Variants in ATP13A2 observed in about 807,000 individuals in gnomAD.
ATP13A2 encodes the protein polyamine-transporting ATPase 13A2.
A neutral mutation model predicts 138.3 loss-of-function variants in ATP13A2; 83 were observed. That is an observed-to-expected ratio of 0.60 (90% confidence interval 0.50 to 0.72). The LOEUF (loss-of-function observed/expected upper bound fraction) is 0.72. ATP13A2 is among the 30% of genes least tolerant of loss of function. The pLI is 0.00. For synonymous variants in ATP13A2, 663 were observed against 699.0 expected, an observed-to-expected ratio of 0.95 and a Z score of 0.81; for missense variants, 1,402 against 1,606.4, an observed-to-expected ratio of 0.87 and a Z score of 2.17.
chr1:16,994,629 G>A (rs2077053031), intron 15 of ATP13A2, among the ~76,000 whole-genome samples: 1 of 151,984 alleles, frequency 6.6e-6, no homozygotes, highest in Admixed American at 6.6e-5. Flanking sequence ...TGGCTAGCCT[G>A]GGAACTATAA....
At position 17,004,568 on chromosome 1, in the gene ATP13A2, A is replaced by G; in HGVS notation, c.477+124T>C. On this transcript the variant is annotated intron_variant, in intron 5 of 28. Coordinates refer to ENST00000326735, the MANE Select transcript of ATP13A2 (RefSeq NM_022089.4). The surrounding 1 kb of genome is among the most constrained non-coding windows in gnomAD (Gnocchi z 4.1). Reference sequence around the variant, plus strand: ...CCTGAAAGTGTAAACGTGCTCAGACAGCATCCTGGATGTTTGGGACAACAG... The same window carrying G: ...CCTGAAAGTGTAAACGTGCTCAGACGGCATCCTGGATGTTTGGGACAACAG... 6 of 1,588,374 alleles carry G rather than the reference A, an allele frequency of 3.8e-6. No homozygotes were observed. The highest frequency in any genetic ancestry group is 5.2e-6 in the Non-Finnish European group (6 of 1,162,164).
chr1:16,998,626 A>G (rs1470956610), intron 11 of ATP13A2, among the ~76,000 whole-genome samples: 1 of 152,136 alleles, frequency 6.6e-6, no homozygotes, highest in Non-Finnish European at 1.5e-5. Context: ...CATCTCAGAG[A>G]AAGAAATACT....
chr1:16,986,711 A>G lies in ATP13A2; in HGVS notation c.3236-79T>C. On this transcript the variant is annotated intron_variant, in intron 27 of 28. Coordinates refer to ENST00000326735, the MANE Select transcript of ATP13A2 (RefSeq NM_022089.4). The surrounding 1 kb of genome is among the most constrained non-coding windows in gnomAD (Gnocchi z 6.9). ...ACACACGTGTGCACGCCAGTCTTCCACTCGGCCGGCACCTCTCTCCCATCT... is the reference window on the plus strand; with the variant it reads ...ACACACGTGTGCACGCCAGTCTTCCGCTCGGCCGGCACCTCTCTCCCATCT... 1.3e-6 allele frequency: 2 copies of G among 1,568,326 alleles called. No homozygotes were observed. The highest frequency in any genetic ancestry group is 1.7e-6 in the Non-Finnish European group (2 of 1,161,676).
chr1:16,990,000 G>A lies in ATP13A2; in HGVS notation c.2416C>T (p.Pro806Ser). 1 of 1,612,224 alleles carries A rather than the reference G, an allele frequency of 6.2e-7. No homozygotes were observed. Among genetic ancestry groups the A allele is most frequent in the Non-Finnish European group, 8.5e-7 (1 of 1,179,188 alleles). The stretch of plus-strand genomic sequence containing the variant: ...ACGGTGTAGCTTGCAGCCTGGTCAG[G>A]ATCCTGGGGGCCCAGGAAGCTCAGC... The part of the protein sequence containing the change: ...SPTAVNGVKD[P>S]DQAASYTVEP... Residue 806 changes from proline to serine, a missense_variant, in exon 22 of 29, where the codon CCT becomes TCT. By Grantham distance (74) the Pro-to-Ser change is moderately conservative (BLOSUM62 -1). Transcript: ENST00000326735.
At position 16,985,994 on chromosome 1, in the gene ATP13A2, C is replaced by T; in HGVS notation, c.*227G>A. 6.9e-7 allele frequency: 1 copy of T among 1,452,128 alleles called. No homozygotes were observed. Among genetic ancestry groups the T allele is most frequent in the Non-Finnish European group, 9.1e-7 (1 of 1,100,490 alleles). The allele number at this position is 1,452,128 out of a possible 1,614,324, so 90.0% of individuals were successfully genotyped here. On this transcript the variant is annotated 3_prime_UTR_variant, in exon 29 of 29. Transcript: ENST00000326735. Reference sequence around the variant, plus strand: ...ATCATGACTTTATTTGCTACACTGACAGCAGCACTGAGGGGAGCTGGGGGC... The same window carrying T: ...ATCATGACTTTATTTGCTACACTGATAGCAGCACTGAGGGGAGCTGGGGGC...
Position 17,005,037 on chromosome 1 carries a change from C to T in ATP13A2, c.324G>A (p.Gln108=). 1 of 1,614,110 alleles carries T rather than the reference C, an allele frequency of 6.2e-7. No homozygotes were observed. The highest frequency in any genetic ancestry group is 8.5e-7 in the Non-Finnish European group (1 of 1,180,014). Residue 108 remains glutamine (Q), a synonymous_variant, in exon 4 of 29, where the codon CAG becomes CAA. Coordinates refer to ENST00000326735, the MANE Select transcript of ATP13A2 (RefSeq NM_022089.4). Reference sequence around the variant, plus strand: ...ACCTGCCCTCGCCGATGGCCTCAGTCTGCACCTGGACAGTGAAGAGCTGCC... The same window carrying T: ...ACCTGCCCTCGCCGATGGCCTCAGTTTGCACCTGGACAGTGAAGAGCTGCC... The part of the protein sequence containing the change: ...SSWQLFTVQV[Q]TEAIGEGSLE...
At position 16,995,804 on chromosome 1, in the gene ATP13A2, T is replaced by C; in HGVS notation, c.1542+172A>G. ...TCTAGACATTTCATCTGCCAGACCG[T>C]GAGCCCAGTGAGGGCAGGAGTGGGA... is the stretch of plus-strand genomic sequence containing the variant. On this transcript the variant is annotated intron_variant, in intron 15 of 28. Transcript: ENST00000326735. This position sits in a 1 kb window ranked among gnomAD's most constrained non-coding sequence, Gnocchi z 4.1. 1.2e-6 allele frequency: 1 copy of C among 811,596 alleles called. No individual in the cohort carries two copies. Among genetic ancestry groups the C allele is most frequent in the East Asian group, 2.7e-5 (1 of 37,612 alleles). The allele number at this position is 811,596 out of a possible 1,614,324, so 50.3% of individuals were successfully genotyped here.
At chr1:17,009,399 T>TC (rs1295743507) in intron 1 of ATP13A2, among the ~76,000 whole-genome samples, 1,757 of 149,446 alleles carry the variant, frequency 0.012, 39 homozygotes, top group African/African-American at 0.041. Context: ...TTTTTTTTTT[T>TC]TTTTTTTTTT....
chr1:16,989,594 G>A (rs1395091865), intron 23 of ATP13A2, 97 bp downstream of exon 23: 8 of 1,237,706 alleles, frequency 6.5e-6, no homozygotes, highest in African/African-American at 2.9e-5. Flanking sequence ...TGGTGCCTGA[G>A]GAGGGAGACA....
rs886045579 is a variant in ATP13A2, at chr1:16,989,737, C to A, written c.2563G>T (p.Ala855Ser). ...ACCAGCTCTGTCTTCTGCTCAGGGG[C>A]CATGCGGGCAAAGACAGTGCCCTGG... ...LVQGTVFARMAPEQKTELVCE... is the reference protein window; with the variant it reads ...LVQGTVFARMSPEQKTELVCE... The change falls in exon 23 of 29, where the codon GCC (alanine) becomes TCC (serine). Residue 855 changes from alanine to serine, a missense_variant. Transcript: ENST00000326735. The A allele has an allele frequency of 6.2e-7, 1 of 1,614,108 alleles. No homozygotes were observed. The highest frequency in any genetic ancestry group is 8.5e-7 in the Non-Finnish European group (1 of 1,180,044).
chr1:17,011,750 G>A lies in ATP13A2; in HGVS notation c.-12C>T, dbSNP rs763611146. On this transcript the variant is annotated 5_prime_UTR_variant, in exon 1 of 29. Transcript: ENST00000326735. The surrounding 1 kb of genome is among the most constrained non-coding windows in gnomAD (Gnocchi z 7.3). ...TCACCTGCGCTCATGCCGGCTCCTCGCGCTCATCGCCGGCCCCGGCGCTGC... is the reference window on the plus strand; with the variant it reads ...TCACCTGCGCTCATGCCGGCTCCTCACGCTCATCGCCGGCCCCGGCGCTGC... 1.4e-6 allele frequency: 2 copies of A among 1,456,582 alleles called. No individual in the cohort carries two copies. The highest frequency in any genetic ancestry group is 1.8e-6 in the Non-Finnish European group (2 of 1,108,824). 90.2% of individuals were successfully genotyped at this position (1,456,582 alleles called of 1,614,324 possible). A position where few individuals can be genotyped will look rare whatever the true frequency, so the allele number is the denominator to read the frequency against.
At chr1:17,010,029 G>A (rs1381278128) in intron 1 of ATP13A2, among the ~76,000 whole-genome samples, 3 of 152,164 alleles carry the variant, frequency 2.0e-5, no homozygotes, top group Admixed American at 6.5e-5. Context: ...AGGCTGTGTG[G>A]GGGGGCGAGA....
intron 6 of ATP13A2, among the ~76,000 whole-genome samples, chr1:17,003,472 C>T (rs1233298026): frequency 2.0e-5 from 3 of 151,380 alleles, no homozygotes; most frequent in East Asian, 4.0e-4. Context: ...GCAGGAGAAT[C>T]GCTTGAACCC....
In ATP13A2 at chr1:17,002,376, G is replaced by A. The variant is rs777481386; in HGVS notation, c.558-3C>T. 6.2e-7 allele frequency: 1 copy of A among 1,612,506 alleles called. No individual in the cohort carries two copies. The highest frequency in any genetic ancestry group is 8.5e-7 in the Non-Finnish European group (1 of 1,179,598). On this transcript the variant is annotated splice_polypyrimidine_tract_variant and splice_region_variant and intron_variant, in intron 6 of 28. Transcript: ENST00000326735. The stretch of plus-strand genomic sequence containing the variant: ...AAGAGCGGCCATGGTCCAGGAGGCT[G>A]GGGGTGGGTGCGAGGGGACACGCAT...
Position 16,993,694 on chromosome 1 carries a change from T to C in ATP13A2, c.1684A>G (p.Ser562Gly), listed in dbSNP as rs1317188297. The C allele has an allele frequency of 6.3e-7, 1 of 1,597,042 alleles. No homozygotes were observed. Among genetic ancestry groups the C allele is most frequent in the Non-Finnish European group, 8.5e-7 (1 of 1,172,370 alleles). Residue 562 changes from serine to glycine, a missense_variant, in exon 16 of 29, where the codon AGC becomes GGC. Transcript: ENST00000326735. ...LRALATCHAL[S>G]RLQDTPVGDP... ...CCCACGGGGGTGTCCTGGAGCCGGC[T>C]GAGGGCATGGCAGGTGGCCAGTGCT...
chr1:16,991,520 C>T (rs145673875), intron 20 of ATP13A2, among the ~76,000 whole-genome samples: 2 of 152,328 alleles, frequency 1.3e-5, no homozygotes, highest in East Asian at 3.9e-4. Flanking sequence ...TCACTCCACT[C>T]CTCTGAGTCT....
Position 16,992,546 on chromosome 1 carries a change from A to C in ATP13A2, c.1785T>G (p.Phe595Leu), listed in dbSNP as rs1324797718. ...LEEEPAADSA[F>L]GTQVLAVMRP... ...TCATCACTGCCAAGACCTGGGTCCC[A>C]AATGCTGAGTCTGCAGCCGGCTCTT... is the stretch of plus-strand genomic sequence containing the variant. Residue 595 changes from phenylalanine to leucine, a missense_variant, in exon 17 of 29, where the codon TTT (phenylalanine) becomes TTG (leucine). By Grantham distance (22) the Phe-to-Leu change is conservative. Transcript: ENST00000326735. 1.2e-6 allele frequency: 2 copies of C among 1,614,206 alleles called. No individual in the cohort carries two copies. The highest frequency in any genetic ancestry group is 2.2e-5 in the South Asian group (2 of 91,090).
chr1:16,996,254 C>G lies in ATP13A2; in HGVS notation c.1353G>C (p.Arg451=). 1 of 1,614,168 alleles carries G rather than the reference C, an allele frequency of 6.2e-7. No individual in the cohort carries two copies. Among genetic ancestry groups the G allele is most frequent in the South Asian group, 1.1e-5 (1 of 91,092 alleles). The change falls in exon 14 of 29, where the codon CGG becomes CGC. Residue 451 remains arginine (R), a splice_region_variant and synonymous_variant. Transcript: ENST00000326735. ...IYSIFILYRN[R]VPLNEIVIRA... The stretch of plus-strand genomic sequence containing the variant: ...CCCCCACCCCACCCCCAAGGCTTAC[C>G]CGGTTTCGGTAGAGGATGAAGATGC...
chr1:16,996,238 C>T lies in ATP13A2; in HGVS notation c.1353+16G>A, dbSNP rs746610932. The T allele has an allele frequency of 1.2e-6, 2 of 1,614,042 alleles. No homozygotes were observed. The highest frequency in any genetic ancestry group is 1.7e-6 in the Non-Finnish European group (2 of 1,180,044). ...GCCCTGCTGGCAGCACCCCCCACCCCACCCCCAAGGCTTACCCGGTTTCGG... is the reference window on the plus strand; with the variant it reads ...GCCCTGCTGGCAGCACCCCCCACCCTACCCCCAAGGCTTACCCGGTTTCGG... On this transcript the variant is annotated intron_variant, in intron 14 of 28. Transcript: ENST00000326735.
Sources: allele counts gnomAD v4.1 joint callset (sites outside exome capture counted in the v4.1 genomes callset), GRCh38; gene constraint gnomAD v4.1.1; non-coding constraint Gnocchi (gnomAD v3.1); transcripts MANE v1.5; gene names NCBI Gene and HGNC (gene_info 2026-07-23, HGNC 2026-07-21).